CERS3: variants seen among roughly 807,000 people sequenced by gnomAD.
CERS3 encodes the protein LAG1 homolog, ceramide synthase 3.
A neutral mutation model predicts 50.3 loss-of-function variants in CERS3; 33 were observed. The ratio of observed to expected loss-of-function variants is 0.66; its 90% CI spans 0.50 to 0.88. The LOEUF is 0.88. Among genes scored for constraint, CERS3 ranks in the 40% least tolerant of loss-of-function variants. The pLI is 0.00. For missense variants in CERS3, 470 were observed against 460.3 expected (o/e 1.02, Z -0.19); for synonymous variants, 176 against 155.2 (o/e 1.13, Z -0.99).
rs117424097 is a variant in CERS3 at position 100,457,363 on chromosome 15, C to G, written c.846-1317G>C. Among the ~76,000 whole-genome samples the G allele has an allele frequency of 2.6e-5, 4 of 152,306 alleles. No homozygotes were observed. In the East Asian group the frequency reaches 5.8e-4, roughly 22 times the overall value. On this transcript the variant is annotated intron_variant, in intron 10 of 11. Transcript: ENST00000679737. ...TGCCACACCCTCCTCCACACATAAA[C>G]TTGGCAAACACTTTGCTCTGTATCC...
intron 11 of CERS3, among the ~76,000 whole-genome samples, chr15:100,450,071 C>T (rs1017962610): frequency 1.5e-5 from 2 of 135,180 alleles, no homozygotes; most frequent in South Asian, 2.4e-4. Flanking sequence ...AACAGAAATT[C>T]TGGAAGTAAA....
intron 2 of CERS3, among the ~76,000 whole-genome samples, chr15:100,510,605 T>C (rs928113735): frequency 5.3e-5 from 8 of 152,176 alleles, no homozygotes; most frequent in African/African-American, 1.9e-4. Flanking sequence ...TGAGGCAGCA[T>C]TCTCCAGCCT....
intron 2 of CERS3, among the ~76,000 whole-genome samples, chr15:100,513,052 AATTAGAC>A (rs1308981318): frequency 1.1e-4 from 17 of 152,198 alleles, no homozygotes; most frequent in Non-Finnish European, 2.2e-4. Context: ...CAAAAATGCC[AATTAGAC>A]ATTTGGCATC....
intron 8 of CERS3, among the ~76,000 whole-genome samples, chr15:100,474,591 G>C (rs2035067631): frequency 6.6e-6 from 1 of 152,152 alleles, no homozygotes; most frequent in Non-Finnish European, 1.5e-5. Flanking sequence ...TTTTAGAAGA[G>C]ACAGGATTTC....
intron 10 of CERS3, among the ~76,000 whole-genome samples, chr15:100,463,802 G>A (rs1022987677): frequency 6.6e-6 from 1 of 152,158 alleles, no homozygotes; most frequent in Non-Finnish European, 1.5e-5. Context: ...TTCTTTGCTG[G>A]TTGCGCAAAC....
intron 4 of CERS3, 126 bp from the exon 5 acceptor site, chr15:100,484,794 C>T: frequency 1.4e-6 from 1 of 698,170 alleles, no homozygotes; most frequent in Non-Finnish European, 2.5e-6. Flanking sequence ...GTCATGAGAC[C>T]TGGAGCCAGG....
At chr15:100,498,386 G>A (rs936626405) in intron 3 of CERS3, among the ~76,000 whole-genome samples, 1 of 152,070 alleles carries the variant, frequency 6.6e-6, no homozygotes, top group Non-Finnish European at 1.5e-5. Context: ...TTGATAAATT[G>A]AACTGAAGAG....
At chr15:100,465,160 G>C (rs1040605834) in intron 10 of CERS3, among the ~76,000 whole-genome samples, 5 of 152,000 alleles carry the variant, frequency 3.3e-5, no homozygotes, top group African/African-American at 9.7e-5. Flanking sequence ...AAAGCAGCTG[G>C]AAAGAAGAAC....
intron 3 of CERS3, among the ~76,000 whole-genome samples, chr15:100,491,944 T>G (rs1307649945): frequency 6.6e-6 from 1 of 151,932 alleles, no homozygotes; most frequent in Non-Finnish European, 1.5e-5. Context: ...CAGGCTGGTC[T>G]CCAACTCCTA....
intron 2 of CERS3, among the ~76,000 whole-genome samples, chr15:100,517,876 C>T (rs771863656): frequency 7.2e-5 from 11 of 152,158 alleles, no homozygotes; most frequent in Non-Finnish European, 1.3e-4. Context: ...AATATAGTCT[C>T]AACTGCTTTC....
At chr15:100,529,645 G>T (rs1348228696), upstream of CERS3, among the ~76,000 whole-genome samples, 1 of 152,146 alleles carries the variant, frequency 6.6e-6, no homozygotes, top group Non-Finnish European at 1.5e-5. Context: ...GCATTTTATA[G>T]TGTTTATTTG....
At chr15:100,412,984 T>A (rs1314859343) in intron 11 of CERS3, among the ~76,000 whole-genome samples, 5 of 152,162 alleles carry the variant, frequency 3.3e-5, no homozygotes, top group African/African-American at 1.2e-4. Flanking sequence ...AGAGCCCAGA[T>A]TATACCATGT....
chr15:100,445,663 G>A (rs543468217), intron 11 of CERS3, among the ~76,000 whole-genome samples: 20 of 152,064 alleles, frequency 1.3e-4, no homozygotes, highest in South Asian at 1.3e-3. Flanking sequence ...AGGTTCCCAC[G>A]CCGCCCCTAA....
intron 1 of CERS3, among the ~76,000 whole-genome samples, chr15:100,526,357 G>A (rs1010779047): frequency 2.6e-5 from 4 of 152,186 alleles, no homozygotes; most frequent in African/African-American, 4.8e-5. Flanking sequence ...GATACACTCC[G>A]TGCTCTGTGA....
intron 2 of CERS3, among the ~76,000 whole-genome samples, chr15:100,510,284 G>C (rs978821422): frequency 6.6e-6 from 1 of 151,790 alleles, no homozygotes; most frequent in Admixed American, 6.6e-5. Context: ...AAACTGAAGA[G>C]AGAGAAAAAA....
intron 11 of CERS3, among the ~76,000 whole-genome samples, chr15:100,428,970 G>T (rs776803815): frequency 6.6e-6 from 1 of 152,228 alleles, no homozygotes; most frequent in Non-Finnish European, 1.5e-5. Context: ...GAGGCCCTGC[G>T]ATGTGAGAGC....
At chr15:100,450,106 A>G (rs1421599454) in intron 11 of CERS3, among the ~76,000 whole-genome samples, 2 of 152,174 alleles carry the variant, frequency 1.3e-5, no homozygotes, top group African/African-American at 4.8e-5. Context: ...GAAATACAAA[A>G]TACTTTCAAA....
intron 1 of CERS3, among the ~76,000 whole-genome samples, chr15:100,540,836 C>G (rs1335091721): frequency 6.6e-6 from 1 of 152,198 alleles, no homozygotes; most frequent in Non-Finnish European, 1.5e-5. Context: ...ATAACACACT[C>G]TTATCTGAGG....
At chr15:100,517,937 G>A (rs1267493834) in intron 2 of CERS3, among the ~76,000 whole-genome samples, 2 of 152,230 alleles carry the variant, frequency 1.3e-5, no homozygotes, top group Non-Finnish European at 2.9e-5. Flanking sequence ...CTCTGGCCAA[G>A]GGCCAATGGC....
Sources: allele counts gnomAD v4.1 joint callset (sites outside exome capture counted in the v4.1 genomes callset), GRCh38; gene constraint gnomAD v4.1.1; transcripts MANE v1.5; gene names NCBI Gene and HGNC (gene_info 2026-07-23, HGNC 2026-07-21).